ANXA2: variants seen among roughly 807,000 people sequenced by gnomAD.
ANXA2 encodes annexin II.
Under a neutral mutation model 47.3 loss-of-function variants are expected in ANXA2, and 28 were observed. The ratio of observed to expected loss-of-function variants is 0.59; its 90% CI spans 0.44 to 0.81. The LOEUF (loss-of-function observed/expected upper bound fraction) is 0.81. ANXA2 is among the 40% of genes least tolerant of loss of function. The pLI, the probability that ANXA2 is intolerant of heterozygous loss-of-function variation, is 0.00. For missense variants in ANXA2, 384 were observed against 414.3 expected, an observed-to-expected ratio of 0.93 and a Z score of 0.64; for synonymous variants, 172 against 155.5, an observed-to-expected ratio of 1.11 and a Z score of -0.79.
chr15:60,386,948 G>C (rs79699653), intron 1 of ANXA2: 2 of 152,158 alleles, frequency 1.3e-5, no homozygotes, highest in Non-Finnish European at 2.9e-5. Flanking sequence ...AGACAGGAAC[G>C]ACATTTAAAT....
Position 60,351,649 on chromosome 15 carries a change from A to C in ANXA2, c.778+75T>G. The stretch of plus-strand genomic sequence containing the variant: ...AGCCACACCTCCCAAACACATTTGG[A>C]TTAACAGGATGGCCATCTGTCACTT... On this transcript the variant is annotated intron_variant, in intron 10 of 12. Coordinates refer to ENST00000451270, the MANE Select transcript of ANXA2 (RefSeq NM_004039.3). 3 of 944,496 alleles carry C rather than the reference A, an allele frequency of 3.2e-6. No homozygotes were observed. The Admixed American group carries it at 5.2e-5, about 16-fold the overall frequency. The allele number at this position is 944,496 out of a possible 1,614,324, so 58.5% of individuals were successfully genotyped here.
At position 60,347,567 on chromosome 15, in the gene ANXA2, T is replaced by C; in HGVS notation, c.*63A>G. On this transcript the variant is annotated 3_prime_UTR_variant, in exon 13 of 13. Coordinates refer to ENST00000451270, the MANE Select transcript of ANXA2 (RefSeq NM_004039.3). ...GGGACTGTTATTCGCAAGCTGGTTT[T>C]CTAGACCTGTTAGCTGGAAGCATGG... 1 of 1,559,228 alleles carries C rather than the reference T, an allele frequency of 6.4e-7. No homozygotes were observed. Among genetic ancestry groups the C allele is most frequent in the Non-Finnish European group, 8.8e-7 (1 of 1,130,686 alleles).
chr15:60,375,719 G>A (rs1465115924), intron 3 of ANXA2, among the ~76,000 whole-genome samples: 1 of 152,194 alleles, frequency 6.6e-6, no homozygotes, highest in Admixed American at 6.5e-5. Flanking sequence ...GGTTTAGGCA[G>A]CACAGGCAAA....
chr15:60,397,916 C>T (rs892580973), intron 1 of ANXA2, 27 bp downstream of exon 1: 2 of 1,335,574 alleles, frequency 1.5e-6, no homozygotes, highest in African/African-American at 1.5e-5. Flanking sequence ...CGGCCCATCG[C>T]GGGCGGGCAG....
In ANXA2 at chr15:60,352,587, A is replaced by T; in HGVS notation, c.589-111T>A. 1 of 753,268 alleles carries T rather than the reference A, an allele frequency of 1.3e-6. No homozygotes were observed. Among genetic ancestry groups the T allele is most frequent in the Admixed American group, 2.3e-5 (1 of 43,350 alleles). The allele number at this position is 753,268 out of a possible 1,614,324, so 46.7% of individuals were successfully genotyped here. A position where few individuals can be genotyped will look rare whatever the true frequency, so the allele number is the denominator to read the frequency against. ...TACACATTCAAAATGCCAAACGAGG[A>T]AAGATGATTATACTGCAGACATGGG... On this transcript the variant is annotated intron_variant, in intron 8 of 12. Transcript: ENST00000451270. The surrounding 1 kb of genome is among the most constrained non-coding windows in gnomAD (Gnocchi z 4.2).
intron 1 of ANXA2, chr15:60,390,374 G>C: frequency 1.4e-6 from 1 of 737,880 alleles, no homozygotes; most frequent in Non-Finnish European, 2.0e-6. Flanking sequence ...GGAAAACATG[G>C]TGAACATTCC....
intron 1 of ANXA2, chr15:60,386,406 T>G (rs2062934274): frequency 4.6e-6 from 1 of 215,648 alleles, no homozygotes. Flanking sequence ...AGGATAAAAC[T>G]GAGTCTTCTA....
At chr15:60,377,204 G>C (rs1040432133) in intron 3 of ANXA2, among the ~76,000 whole-genome samples, 1 of 152,144 alleles carries the variant, frequency 6.6e-6, no homozygotes, top group South Asian at 2.1e-4. Flanking sequence ...AAGAAGGTAA[G>C]ATCTTAATTA....
At chr15:60,365,175 T>A (rs1397311897) in intron 3 of ANXA2, among the ~76,000 whole-genome samples, 1 of 151,794 alleles carries the variant, frequency 6.6e-6, no homozygotes, top group Admixed American at 6.6e-5. Flanking sequence ...ATTAATTTTA[T>A]AACTTTATTA....
chr15:60,352,486 C>A lies in ANXA2; in HGVS notation c.589-10G>T. 1.9e-6 allele frequency: 3 copies of A among 1,603,162 alleles called. No homozygotes were observed. Among genetic ancestry groups the A allele is most frequent in the Non-Finnish European group, 2.6e-6 (3 of 1,171,790 alleles). ...CAGCGTCATAGAGATCCTACGAGTA[C>A]AACCAACCAGGAAAAGTTAACTACA... On this transcript the variant is annotated splice_polypyrimidine_tract_variant and intron_variant, in intron 8 of 12. Coordinates refer to ENST00000451270, the MANE Select transcript of ANXA2 (RefSeq NM_004039.3). The surrounding 1 kb of genome is among the most constrained non-coding windows in gnomAD (Gnocchi z 4.2).
intron 1 of ANXA2, among the ~76,000 whole-genome samples, chr15:60,387,918 G>A (rs552034514): frequency 2.3e-4 from 35 of 152,200 alleles, no homozygotes; most frequent in South Asian, 1.9e-3. Flanking sequence ...GGCCGGGTGC[G>A]GTGGCTCACA....
chr15:60,348,012 C>T (rs912537004), intron 12 of ANXA2, among the ~76,000 whole-genome samples: 1 of 152,186 alleles, frequency 6.6e-6, no homozygotes, highest in Non-Finnish European at 1.5e-5. Context: ...CCTACAAACA[C>T]CCTAACTTTC....
rs986701652 is a variant in ANXA2, at chr15:60,355,942, T to C, written c.505A>G (p.Lys169Glu). 20 of 1,614,020 alleles carry C rather than the reference T, an allele frequency of 1.2e-5. No individual in the cohort carries two copies. The highest frequency in any genetic ancestry group is 2.7e-5 in the African/African-American group (2 of 74,912). The change falls in exon 7 of 13, where the codon AAG becomes GAG. Residue 169 changes from lysine (K) to glutamate (E), a missense_variant. Coordinates refer to ENST00000451270, the MANE Select transcript of ANXA2 (RefSeq NM_004039.3). ...IISDTSGDFR[K>E]LMVALAKGRR... ...ACCTTTGCCAGGGCAACCATCAGCT[T>C]GCGGAAGTCACCAGATGTGTCCGAA...
chr15:60,370,959 G>A (rs1045642616), intron 3 of ANXA2, among the ~76,000 whole-genome samples: 1 of 152,224 alleles, frequency 6.6e-6, no homozygotes, highest in African/African-American at 2.4e-5. Context: ...CCCCAAAGAA[G>A]AGTGATGTGG....
At chr15:60,365,845 T>TCTCCCCC (rs2062588162) in intron 3 of ANXA2, among the ~76,000 whole-genome samples, 1 of 56,728 alleles carries the variant, frequency 1.8e-5, no homozygotes, top group Non-Finnish European at 3.2e-5. Flanking sequence ...TCCCTCTCCC[T>TCTCCCCC]CTCCCCCTCC....
intron 2 of ANXA2, 45 bp from the exon 3 acceptor site, chr15:60,382,486 T>A: frequency 7.3e-7 from 1 of 1,374,564 alleles, no homozygotes; most frequent in South Asian, 1.2e-5. Flanking sequence ...ACATTTAAAA[T>A]CCTCTTGTTG....
At chr15:60,359,014 A>C (rs2062473879) in intron 5 of ANXA2, among the ~76,000 whole-genome samples, 1 of 152,238 alleles carries the variant, frequency 6.6e-6, no homozygotes, top group African/African-American at 2.4e-5. Context: ...AATTCCTATC[A>C]CAAGGGCAAA....
At chr15:60,397,915 GC>G in intron 1 of ANXA2, 27 bp downstream of exon 1, 1 of 1,336,000 alleles carries the variant, frequency 7.5e-7, no homozygotes, top group Non-Finnish European at 9.6e-7. Flanking sequence ...GCGGCCCATC[GC>G]GGGCGGGCAG....
chr15:60,385,888 AT>A (rs3833016), intron 2 of ANXA2, 139 bp downstream of exon 2: 301,260 of 591,738 alleles, frequency 0.51, 80,981 homozygotes, highest in East Asian at 0.81. Context: ...CAGCTGAAGT[AT>A]TAAGAAAGAG....
Sources: gnomAD v4.1 joint callset for allele counts (sites outside exome capture counted in the v4.1 genomes callset) on GRCh38, gnomAD v4.1.1 for gene constraint, Gnocchi (gnomAD v3.1) non-coding constraint, MANE v1.5 for transcripts, NCBI Gene and HGNC (gene_info 2026-07-23, HGNC 2026-07-21) for gene names.